Variants in AHCTF1 observed in about 807,000 individuals in gnomAD.
The protein encoded by AHCTF1 is protein ELYS.
AHCTF1 carries 24 observed loss-of-function variants against 248.4 expected under a neutral mutation model. The ratio of observed to expected loss-of-function variants is 0.10; its 90% CI spans 0.07 to 0.14. The LOEUF is 0.14. Among genes scored for constraint, AHCTF1 ranks in the 10% least tolerant of loss-of-function variants. The pLI, the probability that AHCTF1 is intolerant of heterozygous loss-of-function variation, is 1.00. For synonymous variants in AHCTF1, 786 were observed against 929.8 expected, an observed-to-expected ratio of 0.85 and a Z score of 2.81; for missense variants, 2,206 against 2,636.2, an observed-to-expected ratio of 0.84 and a Z score of 3.57.
At chr1:246,859,679 G>A (rs889607515) in intron 29 of AHCTF1, among the ~76,000 whole-genome samples, 2 of 152,116 alleles carry the variant, frequency 1.3e-5, no homozygotes, top group African/African-American at 4.8e-5. Context: ...GGGTCCAAGC[G>A]ATCCTCCCCT....
chr1:246,874,836 T>C (rs2103100813), intron 24 of AHCTF1, among the ~76,000 whole-genome samples: 1 of 152,182 alleles, frequency 6.6e-6, no homozygotes, highest in African/African-American at 2.4e-5. Flanking sequence ...AAACCTGACC[T>C]CCGGCTCTCA....
chr1:246,850,363 A>C lies in AHCTF1; in HGVS notation c.5643T>G (p.Asn1881Lys). The change falls in exon 33 of 36, where the codon AAT (asparagine) becomes AAG (lysine). Residue 1881 changes from asparagine (N) to lysine (K), a missense_variant. By Grantham distance (94) the Asn-to-Lys change is moderately conservative. Around this residue, in one of 6 missense-constraint regions of AHCTF1, gnomAD observed 469 missense variants for 470.0 expected, o/e 1.00. Transcript: ENST00000648844. ...CATTTATAATTTCAACACTTTCCTG[A>C]TTTTCTACAGATCTTTTAATTCTTC... ...TPRRIKRSVE[N>K]QESVEIINDL... 1 of 1,611,476 alleles carries C rather than the reference A, an allele frequency of 6.2e-7. No individual in the cohort carries two copies. The highest frequency in any genetic ancestry group is 1.1e-5 in the South Asian group (1 of 90,778).
At chr1:246,922,840 G>C (rs1160536396) in intron 1 of AHCTF1, among the ~76,000 whole-genome samples, 1 of 151,044 alleles carries the variant, frequency 6.6e-6, no homozygotes. Context: ...AAAAATAGCC[G>C]GGCGTGGTGG....
chr1:246,853,355 CAAGGAAGCAAA>C, intron 31 of AHCTF1, 56 bp from the exon 32 acceptor site: 1 of 1,416,710 alleles, frequency 7.1e-7, no homozygotes. Flanking sequence ...AATCCACACA[CAAGGAAGCAAA>C]CAGAAAGGAA....
intron 4 of AHCTF1, among the ~76,000 whole-genome samples, chr1:246,910,835 T>A (rs1665749893): frequency 6.6e-6 from 1 of 152,094 alleles, no homozygotes; most frequent in Non-Finnish European, 1.5e-5. Context: ...ATACTACAAA[T>A]TTACTCAAAA....
At chr1:246,899,393 C>A in intron 11 of AHCTF1, 58 bp downstream of exon 11, 2 of 1,366,050 alleles carry the variant, frequency 1.5e-6, no homozygotes, top group South Asian at 1.3e-5. Flanking sequence ...ATCCATAAAT[C>A]AACTATATTC....
At chr1:246,851,545 CAT>C (rs1384235362) in intron 32 of AHCTF1, 103 bp from the exon 33 acceptor site, 78 of 1,018,596 alleles carry the variant, frequency 7.7e-5, no homozygotes, top group Non-Finnish European at 1.0e-4. Flanking sequence ...CCTTTTAAAA[CAT>C]AAATTATATT....
chr1:246,857,525 G>T (rs1381776039), intron 30 of AHCTF1, among the ~76,000 whole-genome samples, 166 bp downstream of exon 30: 1 of 152,192 alleles, frequency 6.6e-6, no homozygotes, highest in Non-Finnish European at 1.5e-5. Context: ...ACTACTAAAT[G>T]ACATATAACT....
At chr1:246,876,013 G>T (rs778325584) in intron 24 of AHCTF1, 24 bp downstream of exon 24, 2 of 1,564,142 alleles carry the variant, frequency 1.3e-6, no homozygotes, top group East Asian at 2.3e-5. Flanking sequence ...AATAGATTAT[G>T]ATATTCTTCA....
chr1:246,872,596 C>A (rs1050370406), intron 24 of AHCTF1, among the ~76,000 whole-genome samples: 1 of 152,038 alleles, frequency 6.6e-6, no homozygotes, highest in Admixed American at 6.6e-5. Flanking sequence ...ACTTAAGAAA[C>A]CTCATTCATC....
chr1:246,902,334 T>C (rs2103176842), intron 8 of AHCTF1, among the ~76,000 whole-genome samples, 191 bp downstream of exon 8: 1 of 152,312 alleles, frequency 6.6e-6, no homozygotes, highest in South Asian at 2.1e-4. Context: ...CCCTAATCTA[T>C]TTTATTGTTT....
At chr1:246,868,413 G>A (rs143015692) in intron 24 of AHCTF1, among the ~76,000 whole-genome samples, 22,241 of 146,092 alleles carry the variant, frequency 0.15, 2,262 homozygotes, top group African/African-American at 0.34. Context: ...GAGCCACTGC[G>A]CCTGGCAATT....
intron 24 of AHCTF1, among the ~76,000 whole-genome samples, chr1:246,869,087 G>T (rs112542991): frequency 2.7e-5 from 4 of 150,322 alleles, no homozygotes; most frequent in Non-Finnish European, 4.4e-5. Context: ...CTCGTGATCC[G>T]CCCGCCTTGG....
intron 1 of AHCTF1, among the ~76,000 whole-genome samples, chr1:246,927,284 G>C (rs1336592089): frequency 6.6e-6 from 1 of 152,164 alleles, no homozygotes; most frequent in Non-Finnish European, 1.5e-5. Flanking sequence ...GAGTTGGTTA[G>C]AGACCAGTCT....
At chr1:246,841,105 AT>A in intron 35 of AHCTF1, 107 bp from the exon 36 acceptor site, 1 of 899,956 alleles carries the variant, frequency 1.1e-6, no homozygotes, top group African/African-American at 1.7e-5. Flanking sequence ...TAGTGCTTTC[AT>A]TTTATAAAAG....
chr1:246,914,562 A>G (rs1658052611), intron 3 of AHCTF1, among the ~76,000 whole-genome samples: 1 of 152,202 alleles, frequency 6.6e-6, no homozygotes, highest in African/African-American at 2.4e-5. Flanking sequence ...AGCATATTCA[A>G]TTCCTCAGTG....
rs1278483675 is a variant in AHCTF1 at position 246,849,544 on chromosome 1, G to A, written c.6391+71C>T. ...AAAATTCCCTATAAAACCATTTTTA[G>A]GACAAATAACCAAATTTTAAGCTGA... On this transcript the variant is annotated intron_variant, in intron 33 of 35. Coordinates refer to ENST00000648844, the MANE Select transcript of AHCTF1 (RefSeq NM_001323342.2). 7.9e-6 allele frequency: 12 copies of A among 1,517,776 alleles called. No homozygotes were observed. In the East Asian group the frequency reaches 2.7e-4, roughly 34 times the overall value. The allele number at this position is 1,517,776 out of a possible 1,614,324, so 94.0% of individuals were successfully genotyped here.
Position 246,926,895 on chromosome 1 carries a change from CG to C in AHCTF1, c.-8+4682del, listed in dbSNP as rs571612551. ...CTCAAAACAAACAAAAGTGTATGGC[CG>C]GGCCGCGGTGGCACACGCCTGTAAT... On this transcript the variant is annotated intron_variant, in intron 1 of 35. Transcript: ENST00000648844. Among the ~76,000 whole-genome samples, 231 of 151,958 alleles carry C rather than the reference CG, an allele frequency of 1.5e-3. 1 individual carries two copies. Among genetic ancestry groups the C allele is most frequent in the African/African-American group, 5.4e-3 (224 of 41,462 alleles).
intron 1 of AHCTF1, among the ~76,000 whole-genome samples, chr1:246,929,315 A>C (rs892537683): frequency 5.9e-5 from 9 of 152,310 alleles, no homozygotes; most frequent in African/African-American, 1.9e-4. Flanking sequence ...AGGCTGAGGC[A>C]CAAGAATCGC....
Sources: gnomAD v4.1 joint callset for allele counts (sites outside exome capture counted in the v4.1 genomes callset) on GRCh38, gnomAD v4.1.1 for gene constraint, gnomAD v4.1.1 regional missense constraint, MANE v1.5 for transcripts, NCBI Gene and HGNC (gene_info 2026-07-23, HGNC 2026-07-21) for gene names.